TYW1B: variants seen among roughly 807,000 people sequenced by gnomAD.
The protein encoded by TYW1B is S-adenosyl-L-methionine-dependent tRNA 4-demethylwyosine synthase TYW1B.
A neutral mutation model predicts 86.9 loss-of-function variants in TYW1B; 73 were observed. The ratio of observed to expected loss-of-function variants is 0.84; its 90% CI spans 0.70 to 1.02. The LOEUF is 1.02. Among genes scored for constraint, TYW1B ranks in the 50% least tolerant of loss-of-function variants. The pLI, the probability that TYW1B is intolerant of heterozygous loss-of-function variation, is 0.00. For synonymous variants in TYW1B, 248 were observed against 292.8 expected, an observed-to-expected ratio of 0.85 and a Z score of 1.56; for missense variants, 637 against 827.4, an observed-to-expected ratio of 0.77 and a Z score of 2.82.
chr7:72,682,933 G>A (rs1334610747), intron 11 of TYW1B, among the ~76,000 whole-genome samples: 1 of 152,176 alleles, frequency 6.6e-6, no homozygotes, highest in Admixed American at 6.5e-5. Flanking sequence ...TTACCTACTG[G>A]AGCTCTGCCA....
rs193278593 is a variant in TYW1B at position 72,700,883 on chromosome 7, A to C, written c.1371-6061T>G. Among the ~76,000 whole-genome samples the C allele has an allele frequency of 4.1e-4, 63 of 152,244 alleles. 1 individual carries two copies. The highest frequency in any genetic ancestry group is 3.5e-3 in the Admixed American group (54 of 15,284). On this transcript the variant is annotated intron_variant, in intron 10 of 13. Coordinates refer to ENST00000620995, the MANE Select transcript of TYW1B (RefSeq NM_001145440.3). ...GGAGTTCAAGACCATCCTGGCCAAC[A>C]AGATGAAATCCTGTCTTTTCTAAAA...
At position 72,742,598 on chromosome 7, in the gene TYW1B, G is replaced by A. The variant is rs566580634; in HGVS notation, c.1082+1886C>T. ...AGAGCTGTTTATGGGCAAAGTTTTT[G>A]ACTATTATTGAGTCAAATAATATCA... On this transcript the variant is annotated intron_variant, in intron 8 of 13. Coordinates refer to ENST00000620995, the MANE Select transcript of TYW1B (RefSeq NM_001145440.3). Among the ~76,000 whole-genome samples, 407 of 152,238 alleles carry A rather than the reference G, an allele frequency of 2.7e-3. 1 individual carries two copies. The highest frequency in any genetic ancestry group is 8.8e-3 in the African/African-American group (367 of 41,544).
At chr7:72,606,710 C>T (rs1321504898) in intron 13 of TYW1B, among the ~76,000 whole-genome samples, 1 of 151,360 alleles carries the variant, frequency 6.6e-6, no homozygotes, top group African/African-American at 2.5e-5. Context: ...AGGAGGCTGA[C>T]GGGAGCCAGA....
chr7:72,644,861 T>C (rs573968427), intron 11 of TYW1B, among the ~76,000 whole-genome samples: 7 of 143,744 alleles, frequency 4.9e-5, no homozygotes, highest in Admixed American at 7.1e-5. Flanking sequence ...ACAGAGTCTC[T>C]CTGTTACCCA....
chr7:72,618,839 C>T lies in TYW1B; in HGVS notation c.1618-2000G>A, dbSNP rs115417230. ...AGAAATCCTTGTGTTTGCAGGATGGCAGTGTAAGAAAATAAACAACTTGCT... is the reference window on the plus strand; with the variant it reads ...AGAAATCCTTGTGTTTGCAGGATGGTAGTGTAAGAAAATAAACAACTTGCT... On this transcript the variant is annotated intron_variant, in intron 12 of 13. Coordinates refer to ENST00000620995, the MANE Select transcript of TYW1B (RefSeq NM_001145440.3). 6.5e-3 allele frequency among the ~76,000 whole-genome samples: 992 copies of T among 152,202 alleles called. 12 individuals are homozygous for T. Among genetic ancestry groups the T allele is most frequent in the African/African-American group, 0.021 (854 of 41,538 alleles).
chr7:72,581,896 T>C (rs1811161598), intron 13 of TYW1B, among the ~76,000 whole-genome samples: 1 of 151,842 alleles, frequency 6.6e-6, no homozygotes, highest in Non-Finnish European at 1.5e-5. Flanking sequence ...GCCTCCAGGG[T>C]AGCTGGGACT....
intron 7 of TYW1B, among the ~76,000 whole-genome samples, chr7:72,757,183 C>T (rs1226550910): frequency 6.6e-6 from 1 of 152,024 alleles, no homozygotes; most frequent in South Asian, 2.1e-4. Flanking sequence ...GCCTGACCAA[C>T]ATGGTGAAAC....
intron 12 of TYW1B, among the ~76,000 whole-genome samples, chr7:72,623,809 A>C (rs1812280926): frequency 6.6e-6 from 1 of 151,960 alleles, no homozygotes; most frequent in African/African-American, 2.4e-5. Context: ...GTTATTTATT[A>C]ATTTTTTTTT....
chr7:72,670,419 G>C (rs1418124440), intron 11 of TYW1B, among the ~76,000 whole-genome samples: 27 of 152,180 alleles, frequency 1.8e-4, no homozygotes, highest in Non-Finnish European at 3.5e-4. Flanking sequence ...TCTAACTCTT[G>C]AACTCAAGTG....
At chr7:72,635,266 T>C (rs1812639481) in intron 11 of TYW1B, among the ~76,000 whole-genome samples, 1 of 152,236 alleles carries the variant, frequency 6.6e-6, no homozygotes, top group Non-Finnish European at 1.5e-5. Context: ...GTTTTTTCTA[T>C]TCTGTTCCAC....
At chr7:72,603,242 G>T (rs1325272824) in intron 13 of TYW1B, among the ~76,000 whole-genome samples, 14 of 151,114 alleles carry the variant, frequency 9.3e-5, no homozygotes, top group African/African-American at 3.4e-4. Flanking sequence ...GATGATGGAC[G>T]GACGGATGGA....
In TYW1B at chr7:72,622,617, A is replaced by G. The variant is rs527708572; in HGVS notation, c.1618-5778T>C. 2.9e-3 allele frequency among the ~76,000 whole-genome samples: 447 copies of G among 152,186 alleles called. 3 individuals are homozygous for G. The highest frequency in any genetic ancestry group is 8.8e-3 in the African/African-American group (367 of 41,546). ...CCAGATCTGACACGCACACACGGAC[A>G]CACACAAACACAAACACACACACAT... On this transcript the variant is annotated intron_variant, in intron 12 of 13. Coordinates refer to ENST00000620995, the MANE Select transcript of TYW1B (RefSeq NM_001145440.3).
chr7:72,603,576 C>A (rs1811726332), intron 13 of TYW1B, among the ~76,000 whole-genome samples: 1 of 152,166 alleles, frequency 6.6e-6, no homozygotes, highest in African/African-American at 2.4e-5. Flanking sequence ...ACGGTGATTT[C>A]CTCCCAAAGA....
chr7:72,788,745 T>C (rs547697233), intron 6 of TYW1B, among the ~76,000 whole-genome samples: 1 of 151,986 alleles, frequency 6.6e-6, no homozygotes, highest in East Asian at 1.9e-4. Context: ...GTTGGCCAGG[T>C]TGGTTTCAAA....
rs1213869935 is a variant in TYW1B, at chr7:72,622,613, G to GGACA, written c.1618-5778_1618-5775dup. 9.2e-5 allele frequency among the ~76,000 whole-genome samples: 14 copies of GGACA among 151,720 alleles called. No homozygotes were observed. The East Asian group carries it at 2.7e-3, about 29-fold the overall frequency. ...GACCCCAGATCTGACACGCACACAC[G>GGACA]GACACACACAAACACAAACACACAC... On this transcript the variant is annotated intron_variant, in intron 12 of 13. Transcript: ENST00000620995.
intron 10 of TYW1B, among the ~76,000 whole-genome samples, chr7:72,699,654 CT>C (rs1294199708): frequency 1.8e-3 from 257 of 145,546 alleles, no homozygotes; most frequent in African/African-American, 1.9e-3. Context: ...TTTTTCTTTT[CT>C]TTTTTTTTTT....
chr7:72,734,321 A>AT (rs1787163848), intron 8 of TYW1B, among the ~76,000 whole-genome samples: 1 of 151,694 alleles, frequency 6.6e-6, no homozygotes, highest in African/African-American at 2.4e-5. Flanking sequence ...TGGTATTGAT[A>AT]TAAGAACAGA....
At chr7:72,625,666 A>G (rs1812326183) in intron 12 of TYW1B, among the ~76,000 whole-genome samples, 1 of 150,388 alleles carries the variant, frequency 6.6e-6, no homozygotes, top group South Asian at 2.1e-4. Context: ...TCTCAGAAAA[A>G]CAAAACAAAA....
intron 7 of TYW1B, among the ~76,000 whole-genome samples, chr7:72,775,277 G>C (rs1484223843): frequency 6.6e-6 from 1 of 152,042 alleles, no homozygotes; most frequent in Non-Finnish European, 1.5e-5. Context: ...AAATTTGTCC[G>C]AATTTCATGA....
Sources: gnomAD v4.1 joint callset for allele counts (sites outside exome capture counted in the v4.1 genomes callset) on GRCh38, gnomAD v4.1.1 for gene constraint, MANE v1.5 for transcripts, NCBI Gene and HGNC (gene_info 2026-07-23, HGNC 2026-07-21) for gene names.